The following FRMPD4 variants were observed in gnomAD, a reference collection of about 807,000 sequenced individuals.
FRMPD4 encodes FERM and PDZ domain containing 4, also known as FERM and PDZ domain-containing protein 4.
A neutral mutation model predicts 94.1 loss-of-function variants in FRMPD4; 22 were observed. The ratio of observed to expected loss-of-function variants is 0.23; its 90% CI spans 0.17 to 0.33. The LOEUF is 0.33. Among genes scored for constraint, FRMPD4 ranks in the 10% least tolerant of loss-of-function variants. The probability of loss-of-function intolerance (pLI) is 1.00; values close to 1 mark genes in which losing one functional copy is unlikely to be tolerated. For synonymous variants in FRMPD4, 631 were observed against 548.6 expected (o/e 1.15, Z -2.10); for missense variants, 1,111 against 1,339.9 (o/e 0.83, Z 2.67).
intron 3 of FRMPD4, among the ~76,000 whole-genome samples, chrX:11,948,438 C>T (rs2054202345): frequency 9.0e-6 from 1 of 111,635 alleles, no homozygotes; most frequent in African/African-American, 3.3e-5. Flanking sequence ...CTTGTTGGCA[C>T]CCTGATCTTG....
intron 1 of FRMPD4, among the ~76,000 whole-genome samples, chrX:12,402,775 T>C (rs73632684): frequency 5.2e-4 from 58 of 111,886 alleles, no homozygotes; most frequent in African/African-American, 1.8e-3. Flanking sequence ...CCTTCCTTTA[T>C]TGCCCTTCTC....
chrX:12,148,405 C>A (rs2055800595), intron 1 of FRMPD4, among the ~76,000 whole-genome samples: 1 of 112,518 alleles, frequency 8.9e-6, no homozygotes, highest in African/African-American at 3.2e-5. Context: ...CAGAGCAAGA[C>A]TCTTAACTCT....
At chrX:11,944,194 G>A (rs2054176956) in intron 3 of FRMPD4, among the ~76,000 whole-genome samples, 1 of 112,118 alleles carries the variant, frequency 8.9e-6, no homozygotes, top group Non-Finnish European at 1.9e-5. Context: ...GTTATTTTGA[G>A]ACTGTATATT....
intron 1 of FRMPD4, among the ~76,000 whole-genome samples, chrX:12,399,536 A>G (rs920652638): frequency 8.9e-6 from 1 of 112,185 alleles, no homozygotes; most frequent in Non-Finnish European, 1.9e-5. Flanking sequence ...AAGCCTTACC[A>G]GTAACATAAA....
In FRMPD4 at chrX:12,404,689, CTA is replaced by C. The variant is rs1232633242; in HGVS notation, c.42-93989_42-93988del. On this transcript the variant is annotated intron_variant, in intron 1 of 16. Transcript: ENST00000675598. ...GAAAGCTTGATCCTTCTGTTGTACTCTATGTGTTTCTTCTTACAACCAGCAAA... is the reference window on the plus strand; with the variant it reads ...GAAAGCTTGATCCTTCTGTTGTACTCTGTGTTTCTTCTTACAACCAGCAAA... Among the ~76,000 whole-genome samples the C allele has an allele frequency of 1.8e-5, 2 of 111,936 alleles. 1 individual carries two copies. The highest frequency in any genetic ancestry group is 3.8e-5 in the Non-Finnish European group (2 of 53,113).
intron 1 of FRMPD4, among the ~76,000 whole-genome samples, chrX:12,495,392 A>G (rs942657446): frequency 8.9e-6 from 1 of 112,193 alleles, no homozygotes; most frequent in Non-Finnish European, 1.9e-5. Context: ...AGTAGCTGGA[A>G]CTGAGGGGGT....
intron 4 of FRMPD4, among the ~76,000 whole-genome samples, chrX:12,645,787 A>G (rs761780642): frequency 1.3e-4 from 15 of 112,332 alleles, no homozygotes; most frequent in African/African-American, 4.5e-4. Flanking sequence ...AGAAAAAAAT[A>G]CTTAGTTTAA....
At chrX:12,464,573 G>A (rs753200768) in intron 1 of FRMPD4, among the ~76,000 whole-genome samples, 2 of 111,783 alleles carry the variant, frequency 1.8e-5, no homozygotes, top group African/African-American at 6.5e-5. Flanking sequence ...TTCCCAAATA[G>A]GAACATCTAT....
intron 3 of FRMPD4, among the ~76,000 whole-genome samples, chrX:11,910,363 A>G (rs1489167780): frequency 8.9e-6 from 1 of 112,488 alleles, no homozygotes; most frequent in Admixed American, 9.4e-5. Flanking sequence ...GCCCACATTG[A>G]AACATTATAT....
chrX:12,422,559 G>A (rs944351979), intron 1 of FRMPD4, among the ~76,000 whole-genome samples: 4 of 111,729 alleles, frequency 3.6e-5, no homozygotes, highest in African/African-American at 6.5e-5. Context: ...TACCCAGCTC[G>A]GTGCCTGGTA....
intron 1 of FRMPD4, among the ~76,000 whole-genome samples, chrX:11,860,031 C>A (rs1012720735): frequency 3.6e-5 from 4 of 112,085 alleles, no homozygotes; most frequent in Non-Finnish European, 7.5e-5. Context: ...TTGCATGTGG[C>A]AAACTCCCAA....
chrX:12,337,824 T>G (rs1380084728), intron 1 of FRMPD4, among the ~76,000 whole-genome samples: 1 of 112,709 alleles, frequency 8.9e-6, no homozygotes, highest in African/African-American at 3.2e-5. Flanking sequence ...GCATTTAGTT[T>G]GATTTGACTT....
chrX:12,417,629 GT>G (rs1001341958), intron 1 of FRMPD4, among the ~76,000 whole-genome samples: 7 of 107,755 alleles, frequency 6.5e-5, no homozygotes, highest in African/African-American at 1.0e-4. Context: ...TTTATTATCA[GT>G]TTTTTTTATT....
chrX:12,055,752 G>A (rs2054850500), intron 3 of FRMPD4, among the ~76,000 whole-genome samples: 1 of 111,840 alleles, frequency 8.9e-6, no homozygotes, highest in Non-Finnish European at 1.9e-5. Context: ...CCACAGGTCA[G>A]GAAGAAGCAT....
At chrX:11,917,070 A>C (rs1431795629) in intron 3 of FRMPD4, among the ~76,000 whole-genome samples, 1 of 112,290 alleles carries the variant, frequency 8.9e-6, no homozygotes, top group Non-Finnish European at 1.9e-5. Context: ...TCTGCAAAAA[A>C]GTAGGCAAAG....
intron 1 of FRMPD4, among the ~76,000 whole-genome samples, chrX:12,255,627 G>A (rs1473614060): frequency 8.9e-6 from 1 of 111,894 alleles, no homozygotes; most frequent in Non-Finnish European, 1.9e-5. Flanking sequence ...ACTTCTGTTT[G>A]TTTTTAAGTA....
intron 2 of FRMPD4, among the ~76,000 whole-genome samples, chrX:12,506,231 G>A (rs2057983702): frequency 8.9e-6 from 1 of 111,927 alleles, no homozygotes. Flanking sequence ...AAAATGTAAA[G>A]CTTTTCCCCT....
At chrX:12,010,831 G>C (rs1410412281) in intron 3 of FRMPD4, among the ~76,000 whole-genome samples, 2 of 112,289 alleles carry the variant, frequency 1.8e-5, no homozygotes, top group Non-Finnish European at 3.8e-5. Flanking sequence ...ATTTGAGATA[G>C]CCCTTCAAGG....
intron 1 of FRMPD4, among the ~76,000 whole-genome samples, chrX:11,852,157 C>A (rs2053626850): frequency 9.0e-6 from 1 of 110,753 alleles, no homozygotes; most frequent in Admixed American, 9.6e-5. Context: ...TGGAAGGTGG[C>A]TTTGGTGGGG....
Sources: allele counts gnomAD v4.1 joint callset (sites outside exome capture counted in the v4.1 genomes callset), GRCh38; gene constraint gnomAD v4.1.1; transcripts MANE v1.5; gene names NCBI Gene and HGNC (gene_info 2026-07-23, HGNC 2026-07-21).